Variants in MPHOSPH9 observed in about 807,000 individuals in gnomAD.
MPHOSPH9 encodes the protein M-phase phosphoprotein 9.
In MPHOSPH9, 88 loss-of-function variants were observed where a neutral mutation model predicts 145.5. The ratio of observed to expected loss-of-function variants is 0.60; its 90% confidence interval spans 0.51 to 0.72. MPHOSPH9 has a LOEUF of 0.72. Among genes scored for constraint, MPHOSPH9 ranks in the 30% least tolerant of loss-of-function variants. The probability of loss-of-function intolerance (pLI) is 0.00; values close to 1 mark genes in which losing one functional copy is unlikely to be tolerated. For missense variants in MPHOSPH9, 1,238 were observed against 1,386.6 expected (o/e 0.89, Z 1.70); for synonymous variants, 435 against 486.2 (o/e 0.89, Z 1.39).
chr12:123,241,670 A>AT (rs2047939905), intron 1 of MPHOSPH9, among the ~76,000 whole-genome samples: 1 of 151,114 alleles, frequency 6.6e-6, no homozygotes. Context: ...AGGTCTCCCT[A>AT]TGTTGCACAG....
chr12:123,153,832 A>G (rs1016722007), downstream of MPHOSPH9, among the ~76,000 whole-genome samples: 7 of 151,536 alleles, frequency 4.6e-5, no homozygotes, highest in African/African-American at 1.7e-4. Flanking sequence ...AATCTGAAAT[A>G]TAATATTTCT....
chr12:123,161,013 A>C, intron 22 of MPHOSPH9, 123 bp downstream of exon 22: 1 of 1,367,462 alleles, frequency 7.3e-7, no homozygotes, highest in South Asian at 1.4e-5. Context: ...CGTTGCTAGC[A>C]CAGCTCTGGT....
intron 16 of MPHOSPH9, among the ~76,000 whole-genome samples, chr12:123,171,734 G>T (rs1475751578): frequency 6.6e-6 from 1 of 152,002 alleles, no homozygotes; most frequent in Non-Finnish European, 1.5e-5. Flanking sequence ...GGGTGACACA[G>T]CGAGACTCCA....
intron 23 of MPHOSPH9, among the ~76,000 whole-genome samples, chr12:123,157,383 TAA>T (rs11324033): frequency 1.1e-4 from 16 of 149,598 alleles, no homozygotes; most frequent in Middle Eastern, 3.4e-3. Context: ...ATACTTTTCT[TAA>T]AAAAAAAAAT....
At chr12:123,236,866 CTGAGG>C (rs560765656), upstream of MPHOSPH9, among the ~76,000 whole-genome samples, 720 of 152,168 alleles carry the variant, frequency 4.7e-3, 8 homozygotes, top group Middle Eastern at 0.021. Flanking sequence ...GGCGGATCGC[CTGAGG>C]TCAGGAGTTC....
chr12:123,187,970 A>C (rs909825571), intron 13 of MPHOSPH9, among the ~76,000 whole-genome samples: 1 of 152,162 alleles, frequency 6.6e-6, no homozygotes. Context: ...GTAAAAATAC[A>C]AAAAGAATTA....
intron 13 of MPHOSPH9, among the ~76,000 whole-genome samples, chr12:123,189,378 G>C (rs1034150513): frequency 6.6e-6 from 1 of 152,154 alleles, no homozygotes; most frequent in African/African-American, 2.4e-5. Flanking sequence ...AAGATTTGAG[G>C]TTATGAGTTT....
chr12:123,194,405 T>C lies in MPHOSPH9; in HGVS notation c.2222A>G (p.Glu741Gly), dbSNP rs762572744. The change falls in exon 13 of 24, where the codon GAG (glutamate) becomes GGG (glycine). Residue 741 changes from glutamate to glycine, a missense_variant. Transcript: ENST00000606320. ...SDDKEAQLKQ[E>G]NKMFQDLLGE... ...ACTTACATCTTGAAACATTTTGTTC[T>C]CTTGTTTTAGTTGAGCTTCTTTATC... 6.3e-7 allele frequency: 1 copy of C among 1,594,944 alleles called. No homozygotes were observed. Among genetic ancestry groups the C allele is most frequent in the East Asian group, 2.2e-5 (1 of 44,756 alleles).
chr12:123,214,725 A>G lies in MPHOSPH9; in HGVS notation c.1087+19T>C, dbSNP rs2046886941. 1 of 1,577,898 alleles carries G rather than the reference A, an allele frequency of 6.3e-7. No homozygotes were observed. ...GTATGTAGTTTAGGTTAAAAAAAAT[A>G]AAAATGTAAGTATCATACCTGTTCC... On this transcript the variant is annotated intron_variant, in intron 7 of 23. Coordinates refer to ENST00000606320, the MANE Select transcript of MPHOSPH9 (RefSeq NM_022782.4).
At chr12:123,205,028 G>C (rs989263133) in intron 8 of MPHOSPH9, among the ~76,000 whole-genome samples, 1 of 152,156 alleles carries the variant, frequency 6.6e-6, no homozygotes, top group African/African-American at 2.4e-5. Context: ...GGGTGTGAGA[G>C]GAGAACCAAT....
chr12:123,221,372 CTATT>C lies in MPHOSPH9; in HGVS notation c.868_871del (p.Asn290ValfsTer4). 1 of 1,564,664 alleles carries C rather than the reference CTATT, an allele frequency of 6.4e-7. No individual in the cohort carries two copies. Among genetic ancestry groups the C allele is most frequent in the Non-Finnish European group, 8.6e-7 (1 of 1,157,932 alleles). ...TTCAAATGATAGAAATTCTACTTAC[CTATT>C]TGTTTTCCCACTGTATACTTCAGAA... On this transcript the variant is annotated frameshift_variant and splice_region_variant, in exon 5 of 24. Coordinates refer to ENST00000606320, the MANE Select transcript of MPHOSPH9 (RefSeq NM_022782.4). LOFTEE classifies it high-confidence loss of function.
intron 23 of MPHOSPH9, among the ~76,000 whole-genome samples, chr12:123,157,438 A>G (rs1375379942): frequency 6.6e-6 from 1 of 152,034 alleles, no homozygotes; most frequent in African/African-American, 2.4e-5. Flanking sequence ...AAAATAAACA[A>G]TATTACTGTT....
chr12:123,170,062 C>T (rs1448467781), intron 16 of MPHOSPH9, among the ~76,000 whole-genome samples: 2 of 151,020 alleles, frequency 1.3e-5, no homozygotes, highest in African/African-American at 4.9e-5. Flanking sequence ...AGTACAGCCT[C>T]GACCCCTCAG....
chr12:123,207,716 G>C (rs1031079147), intron 8 of MPHOSPH9, among the ~76,000 whole-genome samples: 9 of 152,040 alleles, frequency 5.9e-5, no homozygotes, highest in African/African-American at 2.2e-4. Flanking sequence ...AGCTGGGCAT[G>C]ATGGCAGGTG....
chr12:123,156,450 G>T lies in MPHOSPH9; in HGVS notation c.*357C>A, dbSNP rs537889983. ...TTAAAAACTGAATTGTATTTACAAT[G>T]TAGAACAAGTCTATAAAATTGATGT... On this transcript the variant is annotated 3_prime_UTR_variant, in exon 24 of 24. Coordinates refer to ENST00000606320, the MANE Select transcript of MPHOSPH9 (RefSeq NM_022782.4). The T allele has an allele frequency of 1.1e-4, 18 of 165,632 alleles. No homozygotes were observed. In the South Asian group the frequency reaches 2.2e-3, roughly 21 times the overall value. The allele number at this position is 165,632 out of a possible 1,614,324, so 10.3% of individuals were successfully genotyped here. A position where few individuals can be genotyped will look rare whatever the true frequency, so the allele number is the denominator to read the frequency against.
chr12:123,226,818 G>A (rs575345724), intron 3 of MPHOSPH9, among the ~76,000 whole-genome samples: 2 of 152,150 alleles, frequency 1.3e-5, no homozygotes, highest in East Asian at 3.9e-4. Flanking sequence ...ATTTATATTT[G>A]TAGAGACAGG....
chr12:123,242,874 C>T (rs1361573600), intron 1 of MPHOSPH9, among the ~76,000 whole-genome samples: 2 of 152,136 alleles, frequency 1.3e-5, no homozygotes, highest in Non-Finnish European at 2.9e-5. Context: ...TACCAGCTAG[C>T]GGATGAGAAA....
At chr12:123,171,756 A>T (rs1001258274) in intron 16 of MPHOSPH9, among the ~76,000 whole-genome samples, 2 of 142,000 alleles carry the variant, frequency 1.4e-5, no homozygotes, top group East Asian at 3.9e-4. Flanking sequence ...CTCAAAACAA[A>T]CAAACAAACA....
chr12:123,154,991 C>T lies in MPHOSPH9; in HGVS notation c.*1816G>A, dbSNP rs1219230898. On this transcript the variant is annotated 3_prime_UTR_variant, in exon 24 of 24. Coordinates refer to ENST00000606320, the MANE Select transcript of MPHOSPH9 (RefSeq NM_022782.4). ...CCAATATGGTGAAACACCATCTCTA[C>T]TAAAAAAAAAAAAAAGATATATACA... is the stretch of plus-strand genomic sequence containing the variant. 1 of 71,230 alleles carries T rather than the reference C, an allele frequency of 1.4e-5. No homozygotes were observed. Among genetic ancestry groups the T allele is most frequent in the Non-Finnish European group, 3.9e-5 (1 of 25,608 alleles). 4.4% of individuals were successfully genotyped at this position (71,230 alleles called of 1,614,324 possible).
Sources: gnomAD v4.1 joint callset for allele counts (sites outside exome capture counted in the v4.1 genomes callset) on GRCh38, gnomAD v4.1.1 for gene constraint, MANE v1.5 for transcripts, NCBI Gene and HGNC (gene_info 2026-07-23, HGNC 2026-07-21) for gene names.